The following COBLL1 variants were observed in gnomAD, a reference collection of about 807,000 sequenced individuals.
COBLL1 encodes the protein cordon-bleu WH2 repeat protein like 1, also known as cordon-bleu protein-like 1.
A neutral mutation model predicts 94.8 loss-of-function variants in COBLL1; 50 were observed. That is an observed-to-expected ratio of 0.53 (90% CI 0.42 to 0.67). The LOEUF (loss-of-function observed/expected upper bound fraction) is 0.67. Among genes scored for constraint, COBLL1 ranks in the 30% least tolerant of loss-of-function variants. COBLL1 has a pLI of 0.00. For missense variants in COBLL1, 1,362 were observed against 1,348.7 expected (o/e 1.01, Z -0.15); for synonymous variants, 448 against 473.8 (o/e 0.95, Z 0.71).
chr2:164,738,552 C>T lies in COBLL1; in HGVS notation c.230+5135G>A, dbSNP rs143225472. Among the ~76,000 whole-genome samples the T allele has an allele frequency of 9.0e-3, 1,359 of 151,666 alleles. 11 individuals are homozygous for T. Among genetic ancestry groups the T allele is most frequent in the Middle Eastern group, 0.055 (16 of 292 alleles). Reference sequence around the variant, plus strand: ...TAGCATTTTCTGAGAAGAAGAGCCACGAGTTCTGTAACAGTAGTCCTTTAA... The same window carrying T: ...TAGCATTTTCTGAGAAGAAGAGCCATGAGTTCTGTAACAGTAGTCCTTTAA... On this transcript the variant is annotated intron_variant, in intron 3 of 13. Coordinates refer to ENST00000652658, the MANE Select transcript of COBLL1 (RefSeq NM_001365672.2).
chr2:164,801,123 T>G (rs963239713), intron 2 of COBLL1, among the ~76,000 whole-genome samples: 2 of 151,794 alleles, frequency 1.3e-5, no homozygotes, highest in South Asian at 2.1e-4. Context: ...CATAGTGAGA[T>G]CTCATCACTC....
At chr2:164,841,895 G>A, upstream of COBLL1, 2 of 1,310,024 alleles carry the variant, frequency 1.5e-6, no homozygotes, top group Non-Finnish European at 2.1e-6. This position sits in a 1 kb window ranked among gnomAD's most constrained non-coding sequence, Gnocchi z 5.5. Context: ...CCTGTCCCGC[G>A]GGCGGGGTGC....
intron 1 of COBLL1, among the ~76,000 whole-genome samples, chr2:164,671,700 C>T (rs1012705748): frequency 4.0e-5 from 6 of 151,656 alleles, no homozygotes; most frequent in Non-Finnish European, 5.9e-5. Flanking sequence ...ACAATGGAAT[C>T]GGTTACTGAA....
chr2:164,784,940 G>A lies in COBLL1; in HGVS notation c.42-41065C>T, dbSNP rs77625291. Among the ~76,000 whole-genome samples the A allele has an allele frequency of 3.1e-3, 471 of 152,186 alleles. 6 individuals are homozygous for A. Among genetic ancestry groups the A allele is most frequent in the African/African-American group, 0.011 (437 of 41,536 alleles). ...TAATGTGACCGTGTTGGGAGGTGGG[G>A]CCTAATGAGAGATGTTTAGGTCACG... On this transcript the variant is annotated intron_variant, in intron 2 of 13. Transcript: ENST00000652658.
intron 7 of COBLL1, among the ~76,000 whole-genome samples, chr2:164,708,265 A>G (rs1453003285): frequency 6.6e-6 from 1 of 152,158 alleles, no homozygotes; most frequent in Non-Finnish European, 1.5e-5. Context: ...CCAGCAAGAA[A>G]TGAGTTAAAG....
chr2:164,727,633 A>C (rs3820986), intron 5 of COBLL1, among the ~76,000 whole-genome samples: 5 of 151,234 alleles, frequency 3.3e-5, no homozygotes, highest in Non-Finnish European at 5.9e-5. Context: ...TTTATATGTA[A>C]ATTTTTATTT....
At chr2:164,841,866 G>A (rs1358201847), upstream of COBLL1, 19 of 960,616 alleles carry the variant, frequency 2.0e-5, no homozygotes, top group Non-Finnish European at 2.6e-5. The surrounding 1 kb of genome is among the most constrained non-coding windows in gnomAD (Gnocchi z 5.5). Context: ...AGCGCGGGCA[G>A]GGCCGACTCA....
intron 2 of COBLL1, among the ~76,000 whole-genome samples, chr2:164,778,334 C>G (rs775048196): frequency 1.3e-5 from 2 of 152,178 alleles, no homozygotes; most frequent in Non-Finnish European, 2.9e-5. Context: ...CAGCCCAGCA[C>G]AGTGGCTGAT....
chr2:164,796,253 T>C (rs1175359322), intron 2 of COBLL1, among the ~76,000 whole-genome samples: 1 of 152,172 alleles, frequency 6.6e-6, no homozygotes, highest in African/African-American at 2.4e-5. Context: ...AGTCCCAAAT[T>C]AGACCCTAAT....
rs529173823 is a variant in COBLL1, at chr2:164,835,854, A to G, written c.41+5302T>C. 6.6e-5 allele frequency among the ~76,000 whole-genome samples: 10 copies of G among 152,318 alleles called. No homozygotes were observed. In the South Asian group the frequency reaches 1.7e-3, roughly 25 times the overall value. ...TCATTTTATTCCTACAGATACATAT[A>G]ATTTCTGTAGTGAAGTTCTTAAGAT... On this transcript the variant is annotated intron_variant, in intron 2 of 13. Transcript: ENST00000652658.
intron 2 of COBLL1, among the ~76,000 whole-genome samples, chr2:164,750,636 G>T (rs960090264): frequency 2.6e-5 from 4 of 152,052 alleles, no homozygotes; most frequent in Admixed American, 6.6e-5. Context: ...ATGCCATTAG[G>T]TCAGTGGGGG....
chr2:164,664,320 TTC>T (rs1691118752), intron 2 of COBLL1, among the ~76,000 whole-genome samples: 1 of 152,240 alleles, frequency 6.6e-6, no homozygotes, highest in Admixed American at 6.5e-5. Flanking sequence ...ATAATTTTCT[TTC>T]CTAATAGCTA....
At chr2:164,671,984 G>A (rs1384629819) in intron 1 of COBLL1, among the ~76,000 whole-genome samples, 1 of 152,186 alleles carries the variant, frequency 6.6e-6, no homozygotes, top group African/African-American at 2.4e-5. Flanking sequence ...CTGTGCATGA[G>A]GCAGTGTGTA....
intron 2 of COBLL1, among the ~76,000 whole-genome samples, chr2:164,658,562 C>T (rs944044953): frequency 6.6e-6 from 1 of 152,110 alleles, no homozygotes; most frequent in African/African-American, 2.4e-5. Flanking sequence ...GCCTGCAGTG[C>T]AGGGGATTAT....
At chr2:164,806,480 T>C (rs895218354) in intron 2 of COBLL1, among the ~76,000 whole-genome samples, 5 of 152,168 alleles carry the variant, frequency 3.3e-5, no homozygotes, top group Non-Finnish European at 7.4e-5. Context: ...AAAATATTAG[T>C]AGAAATGTAC....
At chr2:164,788,838 C>T (rs1350510766) in intron 2 of COBLL1, among the ~76,000 whole-genome samples, 1 of 98,246 alleles carries the variant, frequency 1.0e-5, no homozygotes, top group Non-Finnish European at 1.9e-5. Flanking sequence ...CTATGTTTAA[C>T]CAAAAAAAAA....
At chr2:164,810,204 C>A (rs113316278) in intron 2 of COBLL1, among the ~76,000 whole-genome samples, 78 of 151,360 alleles carry the variant, frequency 5.2e-4, no homozygotes, top group African/African-American at 1.7e-3. Context: ...GACAATTTTC[C>A]TTTCTGGTAT....
intron 2 of COBLL1, among the ~76,000 whole-genome samples, chr2:164,801,432 C>A (rs1031648198): frequency 1.0e-5 from 1 of 100,200 alleles, no homozygotes; most frequent in Admixed American, 1.2e-4. Flanking sequence ...GAGCGAGACT[C>A]CGTCTCAAAA....
At position 164,841,562 on chromosome 2, in the gene COBLL1, G is replaced by A. The variant is rs1019697324; in HGVS notation, c.-51+148C>T. Reference sequence around the variant, plus strand: ...CGGGGCTGGAAAAGGAGGAGGAGCGGGGCCGGGCGCACGGGCACCGCTGCC... The same window carrying A: ...CGGGGCTGGAAAAGGAGGAGGAGCGAGGCCGGGCGCACGGGCACCGCTGCC... On this transcript the variant is annotated intron_variant, in intron 1 of 13. Coordinates refer to ENST00000652658, the MANE Select transcript of COBLL1 (RefSeq NM_001365672.2). The surrounding 1 kb of genome is among the most constrained non-coding windows in gnomAD (Gnocchi z 5.5). The A allele has an allele frequency of 1.2e-5, 8 of 671,422 alleles. No homozygotes were observed. The highest frequency in any genetic ancestry group is 6.0e-5 in the East Asian group (1 of 16,676). The allele number at this position is 671,422 out of a possible 1,614,324, so 41.6% of individuals were successfully genotyped here. A position where few individuals can be genotyped will look rare whatever the true frequency, so the allele number is the denominator to read the frequency against.
Sources: allele counts gnomAD v4.1 joint callset (sites outside exome capture counted in the v4.1 genomes callset), GRCh38; gene constraint gnomAD v4.1.1; non-coding constraint Gnocchi (gnomAD v3.1); transcripts MANE v1.5; gene names NCBI Gene and HGNC (gene_info 2026-07-23, HGNC 2026-07-21).